Variants in ROCK2 observed in about 807,000 individuals in gnomAD.
ROCK2 encodes the protein Rho associated coiled-coil containing protein kinase 2, also known as rho-associated protein kinase 2.
Under a neutral mutation model 195.1 loss-of-function variants are expected in ROCK2, and 61 were observed. The observed-to-expected ratio is 0.31, with a 90% CI of 0.25 to 0.39. ROCK2 has a LOEUF of 0.39. Ranked by LOEUF, ROCK2 falls within the 10% of genes least tolerant of loss-of-function variation. ROCK2 has a pLI of 1.00. For missense variants in ROCK2, 1,109 were observed against 1,637.4 expected (o/e 0.68, Z 5.57); for synonymous variants, 504 against 545.5 (o/e 0.92, Z 1.06).
chr2:11,302,922 A>G (rs903398402), intron 1 of ROCK2, among the ~76,000 whole-genome samples: 1 of 152,160 alleles, frequency 6.6e-6, no homozygotes, highest in African/African-American at 2.4e-5. Flanking sequence ...AACAGTATCC[A>G]CTGGAAAGTT....
chr2:11,223,909 C>T (rs972713659), intron 7 of ROCK2, among the ~76,000 whole-genome samples: 4 of 152,114 alleles, frequency 2.6e-5, no homozygotes, highest in Non-Finnish European at 4.4e-5. Context: ...GGGAAGGAAG[C>T]ACTCCCAAGT....
At chr2:11,312,166 C>T (rs994922001) in intron 1 of ROCK2, among the ~76,000 whole-genome samples, 2 of 152,102 alleles carry the variant, frequency 1.3e-5, no homozygotes, top group Non-Finnish European at 2.9e-5. Context: ...GGCTTTATTA[C>T]AGTTATTCTC....
chr2:11,296,729 T>C (rs1405542780), intron 1 of ROCK2, among the ~76,000 whole-genome samples: 2 of 152,196 alleles, frequency 1.3e-5, no homozygotes, highest in Non-Finnish European at 2.9e-5. Context: ...ACTAACATAA[T>C]GTGTTCCATA....
chr2:11,281,224 A>C (rs1044208389), intron 3 of ROCK2, among the ~76,000 whole-genome samples: 1 of 151,438 alleles, frequency 6.6e-6, no homozygotes, highest in African/African-American at 2.4e-5. Context: ...AAAAAAAAAA[A>C]AAAAAAACCT....
chr2:11,227,171 A>G, intron 6 of ROCK2, 83 bp downstream of exon 6: 2 of 1,306,494 alleles, frequency 1.5e-6, no homozygotes, highest in South Asian at 2.9e-5. Context: ...AAGGCAATTA[A>G]TTTCCTTATA....
At chr2:11,188,478 A>G (rs1240257102) in intron 32 of ROCK2, among the ~76,000 whole-genome samples, 2 of 152,176 alleles carry the variant, frequency 1.3e-5, no homozygotes, top group Non-Finnish European at 2.9e-5. Context: ...ATCAAAAATT[A>G]GCATTTTATT....
At chr2:11,339,923 A>G (rs534358329) in intron 1 of ROCK2, among the ~76,000 whole-genome samples, 5 of 152,310 alleles carry the variant, frequency 3.3e-5, no homozygotes, top group Non-Finnish European at 5.9e-5. Context: ...GATTTCATGA[A>G]TATGTTTTTA....
At chr2:11,271,937 G>A (rs578034015) in intron 3 of ROCK2, among the ~76,000 whole-genome samples, 9 of 150,188 alleles carry the variant, frequency 6.0e-5, no homozygotes, top group East Asian at 2.0e-4. Context: ...GGAGAATGGC[G>A]TGAACCCGAC....
Position 11,215,062 on chromosome 2 carries a change from G to T in ROCK2, c.1714C>A (p.Arg572=), listed in dbSNP as rs1466584300. 1 of 1,613,956 alleles carries T rather than the reference G, an allele frequency of 6.2e-7. No homozygotes were observed. The highest frequency in any genetic ancestry group is 8.5e-7 in the Non-Finnish European group (1 of 1,179,950). Reference sequence around the variant, plus strand: ...CGGGCTGCAGTATCAGACTCTGTTCGCAGTAAAGCATTGGTTTCATCCAGC... The same window carrying T: ...CGGGCTGCAGTATCAGACTCTGTTCTCAGTAAAGCATTGGTTTCATCCAGC... ...RQLDETNALL[R]TESDTAARLR... is the part of the protein sequence containing the mutation. Residue 572 remains arginine (R), a synonymous_variant, in exon 16 of 33, where the codon CGA becomes AGA. Coordinates refer to ENST00000315872, the MANE Select transcript of ROCK2 (RefSeq NM_004850.5).
chr2:11,339,075 C>T (rs1475571426), intron 1 of ROCK2, among the ~76,000 whole-genome samples: 5 of 152,078 alleles, frequency 3.3e-5, no homozygotes, highest in Non-Finnish European at 7.4e-5. Flanking sequence ...AACTCACCAG[C>T]GGTACACTTC....
intron 5 of ROCK2, among the ~76,000 whole-genome samples, chr2:11,233,064 A>G (rs1231693558): frequency 6.6e-6 from 1 of 152,054 alleles, no homozygotes; most frequent in African/African-American, 2.4e-5. Context: ...ATATTAAAAA[A>G]TGAACCAGGC....
intron 3 of ROCK2, among the ~76,000 whole-genome samples, chr2:11,285,513 C>T (rs963035942): frequency 7.9e-5 from 12 of 152,068 alleles, no homozygotes; most frequent in African/African-American, 2.9e-4. Context: ...TTGCACTACC[C>T]TGATCTACAA....
chr2:11,190,120 A>G (rs72785478), intron 32 of ROCK2, among the ~76,000 whole-genome samples: 6,466 of 152,274 alleles, frequency 0.042, 280 homozygotes, highest in Non-Finnish European at 0.06. Flanking sequence ...AATGTTGCAG[A>G]TGTACAACAA....
At chr2:11,306,567 ATGACTGAG>A (rs1378036816) in intron 1 of ROCK2, among the ~76,000 whole-genome samples, 1 of 152,232 alleles carries the variant, frequency 6.6e-6, no homozygotes, top group Non-Finnish European at 1.5e-5. Flanking sequence ...TATTCATTAA[ATGACTGAG>A]TGTACATAAA....
rs1662993799 is a variant in ROCK2, at chr2:11,181,584, G to C, written c.*1853C>G. The C allele has an allele frequency of 6.6e-6, 1 of 151,334 alleles. No homozygotes were observed. The highest frequency in any genetic ancestry group is 2.4e-5 in the African/African-American group (1 of 41,252). 9.4% of individuals were successfully genotyped at this position (151,334 alleles called of 1,614,324 possible). On this transcript the variant is annotated 3_prime_UTR_variant, in exon 33 of 33. Transcript: ENST00000315872. The stretch of plus-strand genomic sequence containing the variant: ...TTAAATATCTCTAACTGACATCAGA[G>C]GGAATCAATGAAAAATGTCTATTTC...
chr2:11,211,819 C>G lies in ROCK2; in HGVS notation c.2065G>C (p.Asp689His). ...LEKEKSNMEIDMTYQLKVIQQ... is the reference protein window; with the variant it reads ...LEKEKSNMEIHMTYQLKVIQQ... ...ATAACTTTTAGTTGGTATGTCATAT[C>G]TATTTCCATGTTGCTTTTTTCCTAT... Residue 689 changes from aspartate to histidine, a missense_variant, in exon 18 of 33, where the codon GAT becomes CAT. Around this residue, in one of 6 missense-constraint regions of ROCK2, gnomAD observed 542 missense variants for 672.0 expected, o/e 0.81. Coordinates refer to ENST00000315872, the MANE Select transcript of ROCK2 (RefSeq NM_004850.5). The G allele has an allele frequency of 1.3e-6, 2 of 1,598,832 alleles. No individual in the cohort carries two copies. Among genetic ancestry groups the G allele is most frequent in the African/African-American group, 2.7e-5 (2 of 73,956 alleles).
At chr2:11,268,404 C>T (rs1268559017) in intron 3 of ROCK2, among the ~76,000 whole-genome samples, 1 of 152,142 alleles carries the variant, frequency 6.6e-6, no homozygotes, top group Non-Finnish European at 1.5e-5. Flanking sequence ...GGGAAAGGAA[C>T]ATTTTGAAAT....
At chr2:11,342,993 T>C (rs1669152262) in intron 1 of ROCK2, among the ~76,000 whole-genome samples, 1 of 152,232 alleles carries the variant, frequency 6.6e-6, no homozygotes, top group African/African-American at 2.4e-5. Flanking sequence ...CAGTAAGGTT[T>C]ATTCCAGGAG....
intron 1 of ROCK2, among the ~76,000 whole-genome samples, chr2:11,288,038 G>C (rs1000262810): frequency 1.3e-5 from 2 of 151,984 alleles, no homozygotes; most frequent in Admixed American, 1.3e-4. Context: ...CTCTTCAAAT[G>C]GCCAAATTTC....
Sources: gnomAD v4.1 joint callset for allele counts (sites outside exome capture counted in the v4.1 genomes callset) on GRCh38, gnomAD v4.1.1 for gene constraint, gnomAD v4.1.1 regional missense constraint, MANE v1.5 for transcripts, NCBI Gene and HGNC (gene_info 2026-07-23, HGNC 2026-07-21) for gene names.